REXO1: variants seen among roughly 807,000 people sequenced by gnomAD.
The protein encoded by REXO1 is REX1, RNA exonuclease 1 homolog.
In REXO1, 42 loss-of-function variants were observed where a neutral mutation model predicts 102.6. The observed-to-expected ratio is 0.41, with a 90% CI of 0.32 to 0.53. The LOEUF is 0.53. REXO1 is among the 20% of genes least tolerant of loss of function. The pLI, the probability that REXO1 is intolerant of heterozygous loss-of-function variation, is 0.27. For synonymous variants in REXO1, 908 were observed against 779.1 expected (o/e 1.17, Z -2.76); for missense variants, 1,819 against 1,732.5 (o/e 1.05, Z -0.89).
rs913727827 is a variant in REXO1 at position 1,841,997 on chromosome 19, G to A, written c.157+6205C>T. Among the ~76,000 whole-genome samples, 3 of 152,186 alleles carry A rather than the reference G, an allele frequency of 2.0e-5. No homozygotes were observed. The East Asian group carries it at 5.8e-4, about 29-fold the overall frequency. Reference sequence around the variant, plus strand: ...AGGCTGAGGCGGGTGGATCACTTGAGGCCAGGAGTTCGAGACCAGCCTGGC... The same window carrying A: ...AGGCTGAGGCGGGTGGATCACTTGAAGCCAGGAGTTCGAGACCAGCCTGGC... On this transcript the variant is annotated intron_variant, in intron 1 of 15. Transcript: ENST00000170168.
chr19:1,815,731 TGCCG>T lies in REXO1; in HGVS notation c.*331_*334del. The T allele has an allele frequency of 3.6e-6, 5 of 1,397,786 alleles. No individual in the cohort carries two copies. Among genetic ancestry groups the T allele is most frequent in the Non-Finnish European group, 4.7e-6 (5 of 1,072,668 alleles). 86.6% of individuals were successfully genotyped at this position (1,397,786 alleles called of 1,614,324 possible). ...CCGCGACCCACGTGAGGAGCAGAGG[TGCCG>T]GCCACCACCCGGGAGGGAGGGCCTG... is the stretch of plus-strand genomic sequence containing the variant. On this transcript the variant is annotated 3_prime_UTR_variant, in exon 16 of 16. Transcript: ENST00000170168. This position sits in a 1 kb window ranked among gnomAD's most constrained non-coding sequence, Gnocchi z 4.0.
intron 3 of REXO1, among the ~76,000 whole-genome samples, chr19:1,825,481 A>ACTTCT (rs112933999): frequency 1.4e-5 from 2 of 145,540 alleles, no homozygotes; most frequent in African/African-American, 5.1e-5. Context: ...TTTTTTTATA[A>ACTTCT]TTTTTTTTTT....
rs1401477533 is a variant in REXO1, at chr19:1,848,364, G to T, written c.-6C>A. The T allele has an allele frequency of 9.1e-6, 11 of 1,213,520 alleles. No individual in the cohort carries two copies. The highest frequency in any genetic ancestry group is 3.3e-4 in the Middle Eastern group (1 of 3,068). 75.2% of individuals were successfully genotyped at this position (1,213,520 alleles called of 1,614,324 possible). A position where few individuals can be genotyped will look rare whatever the true frequency, so the allele number is the denominator to read the frequency against. On this transcript the variant is annotated 5_prime_UTR_variant, in exon 1 of 16. Transcript: ENST00000170168. The stretch of plus-strand genomic sequence containing the variant: ...AAGCCAGTGGAGCGTAGCATGGTCC[G>T]TCCCGCGGCGGGGCCCCGGCCCGGA...
rs747344119 is a variant in REXO1 at position 1,827,710 on chromosome 19, G to A, written c.1079C>T (p.Ala360Val). 7 of 1,571,142 alleles carry A rather than the reference G, an allele frequency of 4.5e-6. No homozygotes were observed. The highest frequency in any genetic ancestry group is 6.0e-6 in the Non-Finnish European group (7 of 1,169,994). The change falls in exon 2 of 16, where the codon GCC becomes GTC. Residue 360 changes from alanine to valine, a missense_variant. Physicochemically the swap from Ala to Val is moderately conservative, Grantham distance 64. Transcript: ENST00000170168. ...CCCATCCTGTGAGGACTGGACCTGG[G>A]CTGGGGAGGCGGGCTTGGCTGGGGG... Reference protein sequence around the residue: ...QPPPAKPASPAQVQSSQDGGC... With the variant: ...QPPPAKPASPVQVQSSQDGGC...
At chr19:1,819,727 G>GGCTGACAGCGAGGACACCAGGGCC (rs2062980477) in intron 7 of REXO1, among the ~76,000 whole-genome samples, 1 of 152,212 alleles carries the variant, frequency 6.6e-6, no homozygotes, top group Admixed American at 6.5e-5. Context: ...GGAGGAAGGC[G>GGCTGACAGCGAGGACACCAGGGCC]GCTGACAGCG....
intron 12 of REXO1, 99 bp from the exon 13 acceptor site, chr19:1,816,912 G>T: frequency 2.2e-6 from 2 of 912,192 alleles, no homozygotes; most frequent in Non-Finnish European, 3.5e-6. Flanking sequence ...CCAGGCAGAG[G>T]CAGTGACCAG....
chr19:1,832,914 CAAAAAAAA>C (rs71174388), intron 1 of REXO1, among the ~76,000 whole-genome samples: 1 of 75,894 alleles, frequency 1.3e-5, no homozygotes, highest in African/African-American at 5.0e-5. Context: ...GACTCTGTCT[CAAAAAAAA>C]AAAAAAAAAA....
At chr19:1,842,564 G>C (rs142287020) in intron 1 of REXO1, among the ~76,000 whole-genome samples, 1 of 152,244 alleles carries the variant, frequency 6.6e-6, no homozygotes, top group Admixed American at 6.5e-5. Context: ...AGGCAGCTCC[G>C]GGCCCAGCAG....
rs140762087 is a variant in REXO1 at position 1,829,543 on chromosome 19, G to A, written c.158-912C>T. Reference sequence around the variant, plus strand: ...ACTTTTTGTAGCTGGGCGCGGTGGCGCACGCCTGTAATCCCAACATTTTGG... The same window carrying A: ...ACTTTTTGTAGCTGGGCGCGGTGGCACACGCCTGTAATCCCAACATTTTGG... On this transcript the variant is annotated intron_variant, in intron 1 of 15. Transcript: ENST00000170168. Among the ~76,000 whole-genome samples the A allele has an allele frequency of 7.2e-5, 11 of 152,248 alleles. No individual in the cohort carries two copies. The East Asian group carries it at 7.7e-4, about 11-fold the overall frequency.
intron 3 of REXO1, among the ~76,000 whole-genome samples, chr19:1,825,331 A>C (rs1599138178): frequency 1.3e-5 from 2 of 151,180 alleles, no homozygotes; most frequent in Admixed American, 6.6e-5. Flanking sequence ...AACAACCAAA[A>C]AACAAACAAA....
intron 1 of REXO1, among the ~76,000 whole-genome samples, chr19:1,843,720 GCGGCTC>G (rs2011406590): frequency 6.6e-6 from 1 of 152,222 alleles, no homozygotes; most frequent in South Asian, 2.1e-4. Flanking sequence ...CTTCCTGGAC[GCGGCTC>G]ACTGAGGATG....
Position 1,823,760 on chromosome 19 carries a change from G to A in REXO1, c.2042C>T (p.Ala681Val), listed in dbSNP as rs747640165. The A allele has an allele frequency of 2.5e-5, 31 of 1,255,678 alleles. No homozygotes were observed. The highest frequency in any genetic ancestry group is 3.9e-5 in the Admixed American group (1 of 25,776). The allele number at this position is 1,255,678 out of a possible 1,614,324, so 77.8% of individuals were successfully genotyped here. Residue 681 changes from alanine (A) to valine (V), a missense_variant, in exon 4 of 16, where the codon GCG becomes GTG. Transcript: ENST00000170168. ...QEVEPPRRGP[A>V]VPPARPPTAQ... ...CGTCGGGGGCCGGGCCGGGGGCACC[G>A]CGGGACCCCTCCTCGGGGGCTCCAC...
In REXO1 at chr19:1,823,755, G is replaced by T; in HGVS notation, c.2047C>A (p.Pro683Thr). 2 of 1,258,016 alleles carry T rather than the reference G, an allele frequency of 1.6e-6. No individual in the cohort carries two copies. Among genetic ancestry groups the T allele is most frequent in the South Asian group, 3.7e-5 (1 of 27,000 alleles). 77.9% of individuals were successfully genotyped at this position (1,258,016 alleles called of 1,614,324 possible). Residue 683 changes from proline (P) to threonine (T), a missense_variant, in exon 4 of 16, where the codon CCC (proline) becomes ACC (threonine). By Grantham distance (38) the Pro-to-Thr change is conservative. Transcript: ENST00000170168. ...TGCGCCGTCGGGGGCCGGGCCGGGGGCACCGCGGGACCCCTCCTCGGGGGC... is the reference window on the plus strand; with the variant it reads ...TGCGCCGTCGGGGGCCGGGCCGGGGTCACCGCGGGACCCCTCCTCGGGGGC... ...VEPPRRGPAV[P>T]PARPPTAQEV...
At chr19:1,842,229 A>AAGC (rs1486168976) in intron 1 of REXO1, among the ~76,000 whole-genome samples, 2 of 151,736 alleles carry the variant, frequency 1.3e-5, no homozygotes, top group East Asian at 3.9e-4. Context: ...AAAAAAAAAA[A>AAGC]AGCAGCAGCA....
rs201222183 is a variant in REXO1 at position 1,819,953 on chromosome 19, G to A, written c.2631C>T (p.Ser877=). The part of the protein sequence containing the change: ...TLKKLRGLAP[S]AVPGLSKTSG... ...ACTCACTGCTGAGGCCGGGCACAGC[G>A]CTGGGGGCCAGGCCCCTGAGCTTCT... is the stretch of plus-strand genomic sequence containing the variant. The change falls in exon 7 of 16, where the codon AGC becomes AGT. Residue 877 remains serine (S), a synonymous_variant. Coordinates refer to ENST00000170168, the MANE Select transcript of REXO1 (RefSeq NM_020695.4). 5.0e-5 allele frequency: 79 copies of A among 1,588,138 alleles called. No homozygotes were observed. In the Admixed American group the frequency reaches 7.2e-4, roughly 14 times the overall value.
Position 1,827,353 on chromosome 19 carries a change from A to T in REXO1, c.1436T>A (p.Leu479Gln). 6.5e-7 allele frequency: 1 copy of T among 1,548,206 alleles called. No individual in the cohort carries two copies. Among genetic ancestry groups the T allele is most frequent in the Non-Finnish European group, 8.7e-7 (1 of 1,151,308 alleles). The change falls in exon 2 of 16, where the codon CTG becomes CAG. Residue 479 changes from leucine to glutamine, a missense_variant. By Grantham distance (113) the Leu-to-Gln change is moderately radical (BLOSUM62 -2). Transcript: ENST00000170168. ...GGCCTTGGTGCTCTTCCTGTCGGGC[A>T]GCTGGAGGGGGCGGGGTGGGCCTCT... ...AGRGPPRPLQ[L>Q]PDRKSTKAPS...
At position 1,816,064 on chromosome 19, in the gene REXO1, C is replaced by T. The variant is rs138676883; in HGVS notation, c.*2G>A. 409 of 1,541,522 alleles carry T rather than the reference C, an allele frequency of 2.7e-4. 1 individual carries two copies. In the African/African-American group the frequency reaches 4.4e-3, roughly 16 times the overall value. ...GAGAGGCGGGTGGGAGGCGGGCAGG[C>T]GTCATCGCTTGGTCTTGGCGTCTTC... On this transcript the variant is annotated 3_prime_UTR_variant, in exon 16 of 16. Coordinates refer to ENST00000170168, the MANE Select transcript of REXO1 (RefSeq NM_020695.4).
At position 1,826,114 on chromosome 19, in the gene REXO1, G is replaced by T. The variant is rs1007893388; in HGVS notation, c.1912-171C>A. ...TGGGCTTTGTGTGGGTGCAGTCGGA[G>T]GGGTGGGCAGGTGTCACACGTTCTG... On this transcript the variant is annotated intron_variant, in intron 2 of 15. Coordinates refer to ENST00000170168, the MANE Select transcript of REXO1 (RefSeq NM_020695.4). This position sits in a 1 kb window ranked among gnomAD's most constrained non-coding sequence, Gnocchi z 4.3. Among the ~76,000 whole-genome samples the T allele has an allele frequency of 5.9e-5, 9 of 152,136 alleles. No individual in the cohort carries two copies. The highest frequency in any genetic ancestry group is 1.3e-4 in the Non-Finnish European group (9 of 68,034).
At chr19:1,830,066 C>G (rs995306933) in intron 1 of REXO1, among the ~76,000 whole-genome samples, 3 of 152,200 alleles carry the variant, frequency 2.0e-5, no homozygotes, top group African/African-American at 7.2e-5. Flanking sequence ...AACGTCAGCA[C>G]AGAAGTCAGA....
Sources: allele counts gnomAD v4.1 joint callset (sites outside exome capture counted in the v4.1 genomes callset), GRCh38; gene constraint gnomAD v4.1.1; non-coding constraint Gnocchi (gnomAD v3.1); transcripts MANE v1.5; gene names NCBI Gene and HGNC (gene_info 2026-07-23, HGNC 2026-07-21).